The following ATP8A1 variants were observed in gnomAD, a reference collection of about 807,000 sequenced individuals.
ATP8A1 encodes phospholipid-transporting ATPase IA.
Under a neutral mutation model 177.7 loss-of-function variants are expected in ATP8A1, and 90 were observed. The ratio of observed to expected loss-of-function variants is 0.51; its 90% CI spans 0.43 to 0.60. The LOEUF (loss-of-function observed/expected upper bound fraction) is 0.60, where lower values mean the gene tolerates loss of function less well. Ranked by LOEUF, ATP8A1 falls within the 20% of genes least tolerant of loss-of-function variation. The pLI is 0.00. For missense variants in ATP8A1, 1,072 were observed against 1,392.8 expected, an observed-to-expected ratio of 0.77 and a Z score of 3.67; for synonymous variants, 493 against 485.9, an observed-to-expected ratio of 1.01 and a Z score of -0.19.
At chr4:42,575,548 TATC>T in intron 13 of ATP8A1, 71 bp downstream of exon 13, 2 of 1,216,744 alleles carry the variant, frequency 1.6e-6, no homozygotes, top group Non-Finnish European at 2.4e-6. Context: ...CATCTGCAGT[TATC>T]ATATATGGCA....
chr4:42,452,135 A>G (rs887524397), intron 29 of ATP8A1, 76 bp from the exon 30 acceptor site: 6 of 998,518 alleles, frequency 6.0e-6, no homozygotes, highest in Non-Finnish European at 9.3e-6. Flanking sequence ...CTTTTTATCT[A>G]TGAGCTAGAT....
chr4:42,584,570 CTT>C (rs1313604131), intron 9 of ATP8A1, among the ~76,000 whole-genome samples: 4 of 152,198 alleles, frequency 2.6e-5, no homozygotes, highest in Non-Finnish European at 5.9e-5. Context: ...TTCACTCTCT[CTT>C]GGTTACCATC....
chr4:42,442,588 T>C (rs1384135228), intron 33 of ATP8A1, among the ~76,000 whole-genome samples: 3 of 152,220 alleles, frequency 2.0e-5, no homozygotes, highest in African/African-American at 7.2e-5. Context: ...TGTAATAGTA[T>C]ATAATGCCTC....
At chr4:42,520,532 T>C (rs1726007596) in intron 22 of ATP8A1, among the ~76,000 whole-genome samples, 1 of 152,034 alleles carries the variant, frequency 6.6e-6, no homozygotes, top group South Asian at 2.1e-4. Flanking sequence ...ATAAATATGT[T>C]AGGAAATGGA....
rs1731660826 is a variant in ATP8A1 at position 42,569,188 on chromosome 4, T to G, written c.1313A>C (p.Glu438Ala). The stretch of plus-strand genomic sequence containing the variant: ...TTCATCAGGAGAGCAGCCATAATCC[T>G]CAGGTTCAGGGACATGGCTTCAGAA... ...GVAYGHVPEP[E>A]DYGCSPDEWQ... The change falls in exon 15 of 37, where the codon GAG (glutamate) becomes GCG (alanine). Residue 438 changes from glutamate to alanine, a missense_variant. Around this residue, in one of 5 missense-constraint regions of ATP8A1, gnomAD observed 388 missense variants for 471.7 expected, o/e 0.82. Transcript: ENST00000381668. 1 of 1,607,776 alleles carries G rather than the reference T, an allele frequency of 6.2e-7. No individual in the cohort carries two copies. The highest frequency in any genetic ancestry group is 1.3e-5 in the African/African-American group (1 of 74,448).
chr4:42,480,420 A>C (rs1578019482), intron 25 of ATP8A1, among the ~76,000 whole-genome samples: 1 of 152,326 alleles, frequency 6.6e-6, no homozygotes, highest in Non-Finnish European at 1.5e-5. Context: ...TTTTCTTGGA[A>C]GCAAATATAG....
chr4:42,565,297 G>T (rs563876645), intron 15 of ATP8A1, among the ~76,000 whole-genome samples: 2 of 152,328 alleles, frequency 1.3e-5, no homozygotes, highest in East Asian at 3.9e-4. Flanking sequence ...CTGCCAAGGT[G>T]ACTGCTTTGA....
At chr4:42,478,054 A>G (rs992067408) in intron 25 of ATP8A1, among the ~76,000 whole-genome samples, 2 of 152,076 alleles carry the variant, frequency 1.3e-5, no homozygotes, top group African/African-American at 2.4e-5. Context: ...AAACATGTAG[A>G]AAAATAAAGG....
intron 15 of ATP8A1, among the ~76,000 whole-genome samples, chr4:42,558,238 C>G (rs918383503): frequency 1.5e-4 from 23 of 152,102 alleles, no homozygotes; most frequent in African/African-American, 5.6e-4. Flanking sequence ...TAAGAACCAT[C>G]ACATTAAAAG....
chr4:42,636,156 A>ACACACGCGCGCGCGTGCGCG (rs565139270), intron 1 of ATP8A1, among the ~76,000 whole-genome samples: 1 of 90,898 alleles, frequency 1.1e-5, no homozygotes, highest in African/African-American at 3.3e-5. Flanking sequence ...ACACACACAC[A>ACACACGCGCGCGCGTGCGCG]CGCACACACA....
chr4:42,597,809 T>C (rs1313038185), intron 6 of ATP8A1, among the ~76,000 whole-genome samples: 1 of 152,182 alleles, frequency 6.6e-6, no homozygotes, highest in African/African-American at 2.4e-5. Context: ...CACAATAGTA[T>C]GTAAATAAAA....
intron 24 of ATP8A1, among the ~76,000 whole-genome samples, chr4:42,489,745 T>C (rs1560382786): frequency 1.3e-5 from 2 of 152,206 alleles, no homozygotes; most frequent in Non-Finnish European, 2.9e-5. Flanking sequence ...AGCCATACTT[T>C]ATGGCTGCAT....
At chr4:42,535,821 C>T (rs1727766793) in intron 20 of ATP8A1, among the ~76,000 whole-genome samples, 1 of 152,146 alleles carries the variant, frequency 6.6e-6, no homozygotes, top group South Asian at 2.1e-4. Context: ...AACTTCAAAA[C>T]CATGCAAATA....
chr4:42,411,417 G>GT lies in ATP8A1; in HGVS notation c.*1498dup, dbSNP rs1712589860. ...AGAGAAAGTTCTACCTATTTTGCTG[G>GT]TAAGTCCATGTAAAGGCAAGCAGGC... is the stretch of plus-strand genomic sequence containing the variant. On this transcript the variant is annotated 3_prime_UTR_variant, in exon 37 of 37. Coordinates refer to ENST00000381668, the MANE Select transcript of ATP8A1 (RefSeq NM_006095.2). The GT allele has an allele frequency of 6.6e-6, 1 of 152,086 alleles. No homozygotes were observed. Among genetic ancestry groups the GT allele is most frequent in the South Asian group, 2.1e-4 (1 of 4,830 alleles). 9.4% of individuals were successfully genotyped at this position (152,086 alleles called of 1,614,324 possible).
At chr4:42,446,915 A>T (rs980174006) in intron 30 of ATP8A1, among the ~76,000 whole-genome samples, 2 of 152,160 alleles carry the variant, frequency 1.3e-5, no homozygotes, top group African/African-American at 4.8e-5. Context: ...AAATCCAACA[A>T]ATTGTTCAAA....
intron 15 of ATP8A1, among the ~76,000 whole-genome samples, chr4:42,559,567 A>T (rs1001962512): frequency 6.6e-6 from 1 of 152,374 alleles, no homozygotes; most frequent in Middle Eastern, 3.4e-3. Context: ...GCAATTGGGC[A>T]AAATTTAAAA....
intron 1 of ATP8A1, among the ~76,000 whole-genome samples, chr4:42,652,447 T>C (rs1741189779): frequency 6.6e-6 from 1 of 152,226 alleles, no homozygotes. Context: ...ATAAGATCCA[T>C]GGTAACTTAT....
At chr4:42,484,079 TG>T (rs1003990378) in intron 25 of ATP8A1, among the ~76,000 whole-genome samples, 1 of 152,246 alleles carries the variant, frequency 6.6e-6, no homozygotes, top group Non-Finnish European at 1.5e-5. Context: ...AGTGATTAAG[TG>T]ACCAAATCTG....
intron 1 of ATP8A1, among the ~76,000 whole-genome samples, chr4:42,628,658 CAT>C (rs57476683): frequency 0.18 from 27,232 of 152,070 alleles, 2,409 homozygotes; most frequent in East Asian, 0.26. Context: ...GTTCTAAACA[CAT>C]ACTTTTCCCT....
Sources: gnomAD v4.1 joint callset for allele counts (sites outside exome capture counted in the v4.1 genomes callset) on GRCh38, gnomAD v4.1.1 for gene constraint, gnomAD v4.1.1 regional missense constraint, MANE v1.5 for transcripts, NCBI Gene and HGNC (gene_info 2026-07-23, HGNC 2026-07-21) for gene names.